The following RGS9 variants were observed in gnomAD, a reference collection of about 807,000 sequenced individuals.
RGS9 encodes the protein regulator of G protein signaling 9, also known as regulator of G-protein signalling 9.
Under a neutral mutation model 102.0 loss-of-function variants are expected in RGS9, and 78 were observed. That is an observed-to-expected ratio of 0.76 (90% CI 0.64 to 0.92). The LOEUF (loss-of-function observed/expected upper bound fraction) is 0.92. RGS9 is among the 40% of genes least tolerant of loss of function. The probability of loss-of-function intolerance (pLI) is 0.00; values close to 1 mark genes in which losing one functional copy is unlikely to be tolerated. For synonymous variants in RGS9, 353 were observed against 318.6 expected, an observed-to-expected ratio of 1.11 and a Z score of -1.15; for missense variants, 833 against 866.1, an observed-to-expected ratio of 0.96 and a Z score of 0.48.
intron 2 of RGS9, among the ~76,000 whole-genome samples, chr17:65,156,570 G>C (rs559762735): frequency 6.6e-6 from 1 of 152,210 alleles, no homozygotes; most frequent in East Asian, 1.9e-4. Context: ...GGGCTTCCTC[G>C]GGACAAAGGT....
Position 65,174,484 on chromosome 17 carries a change from C to T in RGS9, c.583-3248C>T, listed in dbSNP as rs184199397. On this transcript the variant is annotated intron_variant, in intron 8 of 18. Coordinates refer to ENST00000262406, the MANE Select transcript of RGS9 (RefSeq NM_003835.4). Reference sequence around the variant, plus strand: ...GTGAGCATGTATGTCAGTGTGTTGGCGTGTCAAGGTGTGCATGTATGTGAG... The same window carrying T: ...GTGAGCATGTATGTCAGTGTGTTGGTGTGTCAAGGTGTGCATGTATGTGAG... 2.4e-4 allele frequency among the ~76,000 whole-genome samples: 36 copies of T among 151,326 alleles called. 1 individual carries two copies. Among genetic ancestry groups the T allele is most frequent in the African/African-American group, 6.8e-4 (28 of 41,148 alleles).
At chr17:65,146,239 G>A (rs1910354537) in intron 1 of RGS9, among the ~76,000 whole-genome samples, 1 of 152,130 alleles carries the variant, frequency 6.6e-6, no homozygotes, top group African/African-American at 2.4e-5. Flanking sequence ...CATTTTGAAT[G>A]AAGGCAGCCT....
chr17:65,141,407 C>A (rs754935536), intron 1 of RGS9, among the ~76,000 whole-genome samples: 3 of 152,220 alleles, frequency 2.0e-5, no homozygotes, highest in Non-Finnish European at 4.4e-5. Flanking sequence ...CTTGGAGAAG[C>A]CTTCTGGTGA....
At chr17:65,207,862 T>G in intron 15 of RGS9, 60 bp from the exon 16 acceptor site, 1 of 1,207,142 alleles carries the variant, frequency 8.3e-7, no homozygotes. Context: ...GGCAAGGGTA[T>G]TGGTTTGATT....
At chr17:65,148,803 C>T (rs1193969055) in intron 1 of RGS9, among the ~76,000 whole-genome samples, 1 of 152,198 alleles carries the variant, frequency 6.6e-6, no homozygotes, top group Non-Finnish European at 1.5e-5. Context: ...CTGCCTCAGC[C>T]TTCCAGGTAG....
intron 7 of RGS9, among the ~76,000 whole-genome samples, chr17:65,163,633 C>T (rs1232090191): frequency 6.6e-6 from 1 of 152,064 alleles, no homozygotes; most frequent in South Asian, 2.1e-4. Flanking sequence ...ATGAGGGCCA[C>T]CTGGCTGGGG....
rs547555960 is a variant in RGS9, at chr17:65,210,096, C to T, written c.1290-392C>T. 5.3e-5 allele frequency among the ~76,000 whole-genome samples: 8 copies of T among 152,048 alleles called. No individual in the cohort carries two copies. The East Asian group carries it at 5.8e-4, about 11-fold the overall frequency. ...CTGTCCCCGCTGCCCACCCCCCAAC[C>T]GCCCCAAAAAAGAAAAGAAAATAAA... On this transcript the variant is annotated intron_variant, in intron 16 of 18. Coordinates refer to ENST00000262406, the MANE Select transcript of RGS9 (RefSeq NM_003835.4).
chr17:65,170,548 A>C (rs1265418392), intron 8 of RGS9, among the ~76,000 whole-genome samples: 1 of 152,104 alleles, frequency 6.6e-6, no homozygotes, highest in Non-Finnish European at 1.5e-5. Context: ...AGCCCTGTGC[A>C]CTTCTGCCTC....
intron 8 of RGS9, among the ~76,000 whole-genome samples, chr17:65,170,070 T>TC (rs1246182300): frequency 2.0e-5 from 3 of 149,394 alleles, no homozygotes; most frequent in East Asian, 3.9e-4. Flanking sequence ...TTTTTTTTTT[T>TC]CTGAGATGGA....
At chr17:65,141,801 T>A (rs569652236) in intron 1 of RGS9, among the ~76,000 whole-genome samples, 1 of 152,286 alleles carries the variant, frequency 6.6e-6, no homozygotes, top group South Asian at 2.1e-4. Context: ...GTCAGTAGTT[T>A]TTGGCCAGGA....
intron 7 of RGS9, among the ~76,000 whole-genome samples, chr17:65,164,297 G>A (rs568266634): frequency 2.8e-4 from 42 of 152,318 alleles, no homozygotes; most frequent in African/African-American, 1.0e-3. Context: ...GCTTAGCAGG[G>A]ACAGGGATTT....
intron 17 of RGS9, among the ~76,000 whole-genome samples, chr17:65,218,027 G>T (rs1430743589): frequency 6.6e-6 from 1 of 152,224 alleles, no homozygotes; most frequent in Non-Finnish European, 1.5e-5. Context: ...ACAAGTGCTT[G>T]ACAATCACTG....
chr17:65,196,262 G>T (rs1321996899), intron 12 of RGS9, among the ~76,000 whole-genome samples: 4 of 152,198 alleles, frequency 2.6e-5, no homozygotes, highest in East Asian at 3.8e-4. Context: ...TTGTACACTT[G>T]TTCTTATGGA....
chr17:65,206,842 T>A lies in RGS9; in HGVS notation c.1204-1080T>A, dbSNP rs1049197134. On this transcript the variant is annotated intron_variant, in intron 15 of 18. Transcript: ENST00000262406. ...CTCCCTATATGCCATTACAGCTATGTCCTATGGTGAAACACTCAACGTATC... is the reference window on the plus strand; with the variant it reads ...CTCCCTATATGCCATTACAGCTATGACCTATGGTGAAACACTCAACGTATC... Among the ~76,000 whole-genome samples, 3 of 152,230 alleles carry A rather than the reference T, an allele frequency of 2.0e-5. No homozygotes were observed. In the South Asian group the frequency reaches 6.2e-4, roughly 32 times the overall value.
At chr17:65,224,610 G>C (rs2144133788) in intron 17 of RGS9, among the ~76,000 whole-genome samples, 1 of 152,346 alleles carries the variant, frequency 6.6e-6, no homozygotes, top group Admixed American at 6.5e-5. Context: ...TGGGGCCCAA[G>C]GATGGAGAAG....
At chr17:65,194,971 G>A (rs1469648691) in intron 12 of RGS9, among the ~76,000 whole-genome samples, 1 of 152,218 alleles carries the variant, frequency 6.6e-6, no homozygotes, top group East Asian at 1.9e-4. Flanking sequence ...AACAGGTTAA[G>A]GAGGCCACTC....
intron 3 of RGS9, chr17:65,158,806 C>T: frequency 3.7e-6 from 1 of 270,202 alleles, no homozygotes; most frequent in South Asian, 4.4e-5. Context: ...AGAGCACCTG[C>T]AGATCTGGGA....
chr17:65,201,457 C>A (rs545158657), intron 13 of RGS9, among the ~76,000 whole-genome samples: 1 of 152,118 alleles, frequency 6.6e-6, no homozygotes, highest in Non-Finnish European at 1.5e-5. Flanking sequence ...CTAAGCACAG[C>A]CAAACAAAGG....
At chr17:65,164,529 C>A (rs1209971922) in intron 7 of RGS9, among the ~76,000 whole-genome samples, 3 of 152,212 alleles carry the variant, frequency 2.0e-5, no homozygotes, top group African/African-American at 7.2e-5. Context: ...AAGGTCTAGA[C>A]TTGCTGGTGC....
Sources: gnomAD v4.1 joint callset for allele counts (sites outside exome capture counted in the v4.1 genomes callset) on GRCh38, gnomAD v4.1.1 for gene constraint, MANE v1.5 for transcripts, NCBI Gene and HGNC (gene_info 2026-07-23, HGNC 2026-07-21) for gene names.